Variants in PHKA2 observed in about 807,000 individuals in gnomAD.
PHKA2 encodes phosphorylase kinase regulatory subunit alpha 2.
In PHKA2, 31 loss-of-function variants were observed where a neutral mutation model predicts 102.0. The observed-to-expected ratio is 0.30, with a 90% confidence interval of 0.23 to 0.41. PHKA2 has a LOEUF of 0.41. PHKA2 is among the 10% of genes least tolerant of loss of function. The pLI, the probability that PHKA2 is intolerant of heterozygous loss-of-function variation, is 1.00. For synonymous variants in PHKA2, 455 were observed against 416.2 expected, an observed-to-expected ratio of 1.09 and a Z score of -1.13; for missense variants, 858 against 1,023.1, an observed-to-expected ratio of 0.84 and a Z score of 2.20.
Position 18,983,841 on chromosome X carries a change from C to A in PHKA2, c.78+14G>T, listed in dbSNP as rs750129454. ...GGTAGTTCCACGCGTTCCCTGGGGG[C>A]GGTCCCTCCTTACCTGGTAACACAG... On this transcript the variant is annotated intron_variant, in intron 1 of 32. Transcript: ENST00000379942. The A allele has an allele frequency of 8.4e-7, 1 of 1,193,179 alleles. No homozygotes were observed. Among genetic ancestry groups the A allele is most frequent in the African/African-American group, 1.7e-5 (1 of 57,589 alleles).
chrX:18,951,918 A>T (rs888745611), intron 3 of PHKA2, among the ~76,000 whole-genome samples: 1 of 109,347 alleles, frequency 9.1e-6, no homozygotes, highest in African/African-American at 3.3e-5. Flanking sequence ...CGTGGCTTTT[A>T]AAAAAAAATG....
intron 17 of PHKA2, among the ~76,000 whole-genome samples, chrX:18,922,731 G>A (rs1292600025): frequency 9.0e-6 from 1 of 111,537 alleles, no homozygotes; most frequent in East Asian, 2.8e-4. Flanking sequence ...GCTATTAATG[G>A]GTGTACAGTT....
intron 13 of PHKA2, among the ~76,000 whole-genome samples, chrX:18,927,319 C>T (rs904622701): frequency 5.3e-5 from 6 of 112,336 alleles, no homozygotes; most frequent in African/African-American, 9.7e-5. Context: ...AACCCGGGAT[C>T]GGCTAGGCTG....
At position 18,935,351 on chromosome X, in the gene PHKA2, T is replaced by G. The variant is rs758098726; in HGVS notation, c.1137+704A>C. 1.4e-4 allele frequency among the ~76,000 whole-genome samples: 16 copies of G among 112,055 alleles called. No individual in the cohort carries two copies. In the South Asian group the frequency reaches 5.5e-3, roughly 39 times the overall value. ...GGCTTCTAAGTGATTACTCAAACTC[T>G]AGCTTGCAAACTGCTTGAATCAAAG... is the stretch of plus-strand genomic sequence containing the variant. On this transcript the variant is annotated intron_variant, in intron 11 of 32. Transcript: ENST00000379942.
chrX:18,925,732 A>G lies in PHKA2; in HGVS notation c.1505T>C (p.Ile502Thr). The G allele has an allele frequency of 1.7e-6, 2 of 1,199,954 alleles. No homozygotes were observed. The highest frequency in any genetic ancestry group is 2.3e-6 in the Non-Finnish European group (2 of 884,710). ...TAGTTTAGAGGTTCCAAGGACACCA[A>G]TATGTCGATACGGTCGCCCACTCAA... The part of the protein sequence containing the change: ...MNLSGRPYRH[I>T]GVLGTSKLYV... The change falls in exon 15 of 33, where the codon ATT becomes ACT. Residue 502 changes from isoleucine to threonine, a missense_variant. By Grantham distance (89) the Ile-to-Thr change is moderately conservative (BLOSUM62 -1). Around this residue, in one of 2 missense-constraint regions of PHKA2, gnomAD observed 671 missense variants for 745.2 expected, o/e 0.90. Transcript: ENST00000379942.
At chrX:18,936,689 T>G (rs2048398925) in intron 10 of PHKA2, among the ~76,000 whole-genome samples, 1 of 112,432 alleles carries the variant, frequency 8.9e-6, no homozygotes, top group Non-Finnish European at 1.9e-5. Flanking sequence ...TAACATTCTG[T>G]CATTTGTAGT....
chrX:18,976,498 T>C (rs1465833802), intron 1 of PHKA2, among the ~76,000 whole-genome samples: 1 of 111,803 alleles, frequency 8.9e-6, no homozygotes, highest in Non-Finnish European at 1.9e-5. Context: ...TTGCTTTCTG[T>C]CATTTAGTTA....
At chrX:18,953,886 T>G (rs1200126000) in intron 2 of PHKA2, among the ~76,000 whole-genome samples, 2 of 110,945 alleles carry the variant, frequency 1.8e-5, no homozygotes, top group Non-Finnish European at 3.8e-5. Flanking sequence ...CTCGGGAGGC[T>G]GAGGCAGGAC....
intron 1 of PHKA2, among the ~76,000 whole-genome samples, chrX:18,972,794 T>A (rs981486984): frequency 1.8e-5 from 2 of 111,910 alleles, no homozygotes; most frequent in African/African-American, 6.5e-5. Flanking sequence ...ACTTTTTTCC[T>A]GCAAATAATA....
At chrX:18,939,499 T>G (rs1257381760) in intron 9 of PHKA2, among the ~76,000 whole-genome samples, 1 of 111,398 alleles carries the variant, frequency 9.0e-6, no homozygotes, top group Non-Finnish European at 1.9e-5. Flanking sequence ...TTTTTGTTTT[T>G]GTTTTTGTTT....
chrX:18,983,371 T>C (rs2049207077), intron 1 of PHKA2, among the ~76,000 whole-genome samples: 4 of 112,284 alleles, frequency 3.6e-5, no homozygotes, highest in Admixed American at 2.8e-4. Context: ...ATCTGTAAAA[T>C]AGCAACCAAA....
In PHKA2 at chrX:18,907,896, T is replaced by G. The variant is rs781045480; in HGVS notation, c.2517+4A>C. The stretch of plus-strand genomic sequence containing the variant: ...ACATGGGCAGCCTGCACAGTCGCAC[T>G]GACCTCAGCCAGGACCTCCACTTTC... On this transcript the variant is annotated splice_donor_region_variant and intron_variant, in intron 22 of 32. Transcript: ENST00000379942. 1 of 1,211,086 alleles carries G rather than the reference T, an allele frequency of 8.3e-7. No homozygotes were observed.
intron 28 of PHKA2, among the ~76,000 whole-genome samples, chrX:18,899,735 T>A (rs1442000770): frequency 8.9e-6 from 1 of 112,321 alleles, no homozygotes; most frequent in Non-Finnish European, 1.9e-5. Context: ...AAATCTAGAA[T>A]GTACCCTTAA....
chrX:18,961,625 A>G (rs746391876), intron 1 of PHKA2, among the ~76,000 whole-genome samples: 1 of 93,380 alleles, frequency 1.1e-5, no homozygotes, highest in East Asian at 3.2e-4. Flanking sequence ...GCCACACTGC[A>G]CTCCAGCCCG....
rs771857023 is a variant in PHKA2 at position 18,901,571 on chromosome X, T to C, written c.2941A>G (p.Thr981Ala). The change falls in exon 27 of 33, where the codon ACC becomes GCC. Residue 981 changes from threonine to alanine, a missense_variant. Physicochemically the swap from Thr to Ala is moderately conservative, Grantham distance 58. Transcript: ENST00000379942. Reference sequence around the variant, plus strand: ...TGGCCCACCTCGTGGATGGAGATGGTAGGGCTGGATGTGGAGGAGTGGATA... The same window carrying C: ...TGGCCCACCTCGTGGATGGAGATGGCAGGGCTGGATGTGGAGGAGTGGATA... ...RPIHSSTSSPTISIHEVGHTG... is the reference protein window; with the variant it reads ...RPIHSSTSSPAISIHEVGHTG... 8.3e-7 allele frequency: 1 copy of C among 1,204,672 alleles called. No homozygotes were observed. The highest frequency in any genetic ancestry group is 3.0e-5 in the East Asian group (1 of 33,695).
chrX:18,914,654 A>T (rs1224205788), intron 19 of PHKA2, among the ~76,000 whole-genome samples: 3 of 112,303 alleles, frequency 2.7e-5, no homozygotes, highest in African/African-American at 9.7e-5. Flanking sequence ...GTCTCTCAGA[A>T]GAGGGTAAAG....
At chrX:18,957,324 AAC>A (rs1282794171) in intron 1 of PHKA2, among the ~76,000 whole-genome samples, 6 of 112,019 alleles carry the variant, frequency 5.4e-5, no homozygotes, top group African/African-American at 1.9e-4. Context: ...GAACCACCTG[AAC>A]AGGTCCATCT....
At chrX:18,943,013 C>G (rs1280263209) in intron 7 of PHKA2, among the ~76,000 whole-genome samples, 2 of 110,932 alleles carry the variant, frequency 1.8e-5, no homozygotes, top group Non-Finnish European at 3.8e-5. Flanking sequence ...TGTTCTGTAA[C>G]TCACTCTTCC....
At chrX:18,924,267 T>G in intron 16 of PHKA2, 114 bp downstream of exon 16, 1 of 968,009 alleles carries the variant, frequency 1.0e-6, no homozygotes, top group Non-Finnish European at 1.5e-6. Flanking sequence ...GAAACCAAAC[T>G]GCTAAGAAGC....
Sources: allele counts gnomAD v4.1 joint callset (sites outside exome capture counted in the v4.1 genomes callset), GRCh38; gene constraint gnomAD v4.1.1; regional missense constraint gnomAD v4.1.1; transcripts MANE v1.5; gene names NCBI Gene and HGNC (gene_info 2026-07-23, HGNC 2026-07-21).